CCDC91: variants seen among roughly 807,000 people sequenced by gnomAD.
CCDC91 encodes the protein coiled-coil domain-containing protein 91.
In CCDC91, 48 loss-of-function variants were observed where a neutral mutation model predicts 63.2. The ratio of observed to expected loss-of-function variants is 0.76; its 90% CI spans 0.60 to 0.97. The LOEUF is 0.97. CCDC91 is among the 50% of genes least tolerant of loss of function. The probability of loss-of-function intolerance (pLI) is 0.00; values close to 1 mark genes in which losing one functional copy is unlikely to be tolerated. For missense variants in CCDC91, 500 were observed against 494.6 expected, an observed-to-expected ratio of 1.01 and a Z score of -0.10; for synonymous variants, 167 against 165.8, an observed-to-expected ratio of 1.01 and a Z score of -0.06.
chr12:28,348,414 G>A (rs796923665), intron 6 of CCDC91, among the ~76,000 whole-genome samples: 10 of 152,260 alleles, frequency 6.6e-5, no homozygotes, highest in African/African-American at 1.7e-4. Flanking sequence ...CACTCATGTC[G>A]TAGACCCAGG....
intron 8 of CCDC91, among the ~76,000 whole-genome samples, chr12:28,435,702 G>A (rs1308550157): frequency 1.3e-5 from 2 of 151,700 alleles, no homozygotes; most frequent in Admixed American, 6.6e-5. Context: ...TCTGATAGAG[G>A]TGTATTGAAG....
intron 12 of CCDC91, among the ~76,000 whole-genome samples, chr12:28,504,681 A>G (rs1229390707): frequency 3.3e-5 from 5 of 151,894 alleles, no homozygotes; most frequent in African/African-American, 1.2e-4. Context: ...TTACACTTCA[A>G]AGTCTACATG....
intron 6 of CCDC91, among the ~76,000 whole-genome samples, chr12:28,310,945 A>G (rs956444683): frequency 4.6e-5 from 7 of 152,006 alleles, no homozygotes; most frequent in African/African-American, 1.7e-4. Context: ...ACCCAAGTTG[A>G]GATTTTTCTG....
intron 1 of CCDC91, among the ~76,000 whole-genome samples, chr12:28,256,469 TC>T (rs1157792713): frequency 2.6e-5 from 4 of 152,050 alleles, no homozygotes; most frequent in Non-Finnish European, 4.4e-5. Context: ...AATGGTTTTA[TC>T]TTTTCATTTT....
Position 28,507,115 on chromosome 12 carries a change from A to G in CCDC91, c.1215+22950A>G, listed in dbSNP as rs1938823391. Among the ~76,000 whole-genome samples, 4 of 151,962 alleles carry G rather than the reference A, an allele frequency of 2.6e-5. No homozygotes were observed. The South Asian group carries it at 6.2e-4, about 24-fold the overall frequency. On this transcript the variant is annotated intron_variant, in intron 12 of 12. Transcript: ENST00000536442. Reference sequence around the variant, plus strand: ...CTTGAGCCTGCAAATCAAGCTTTATAAATAGGCTTGTATGTTTCTTGGTTT... The same window carrying G: ...CTTGAGCCTGCAAATCAAGCTTTATGAATAGGCTTGTATGTTTCTTGGTTT...
chr12:28,406,594 T>C (rs896980998), intron 8 of CCDC91, among the ~76,000 whole-genome samples: 1 of 152,152 alleles, frequency 6.6e-6, no homozygotes, highest in Non-Finnish European at 1.5e-5. Flanking sequence ...TTTCCTGATA[T>C]GTTTCTAAGA....
intron 11 of CCDC91, among the ~76,000 whole-genome samples, chr12:28,457,789 T>C (rs949629632): frequency 6.6e-6 from 1 of 152,066 alleles, no homozygotes; most frequent in African/African-American, 2.4e-5. Flanking sequence ...GACCCTGGCT[T>C]ATTGATTTTC....
chr12:28,481,316 A>G (rs2140889033), intron 11 of CCDC91, among the ~76,000 whole-genome samples: 1 of 152,006 alleles, frequency 6.6e-6, no homozygotes, highest in South Asian at 2.1e-4. Context: ...CTGCTTACAC[A>G]CAGGATGCTC....
chr12:28,495,040 G>A (rs1033513599), intron 12 of CCDC91, among the ~76,000 whole-genome samples: 8 of 151,706 alleles, frequency 5.3e-5, no homozygotes, highest in African/African-American at 1.7e-4. Flanking sequence ...GTAGTACAAC[G>A]TGGTCTTCTA....
intron 11 of CCDC91, among the ~76,000 whole-genome samples, chr12:28,467,407 A>G (rs1592754829): frequency 6.6e-6 from 1 of 152,074 alleles, no homozygotes; most frequent in Non-Finnish European, 1.5e-5. Context: ...GCAAAAGGAT[A>G]TAACAGTTTT....
Position 28,422,964 on chromosome 12 carries a change from T to G in CCDC91, c.763-27197T>G, listed in dbSNP as rs114735182. ...TTGTTGTTGTTGGTGTTTGTTGTTG[T>G]TGGTGGTTGTTGTTGTTATTGTTTG... On this transcript the variant is annotated intron_variant, in intron 8 of 12. Transcript: ENST00000536442. 2.0e-3 allele frequency among the ~76,000 whole-genome samples: 299 copies of G among 152,158 alleles called. 2 individuals carry two copies. In the East Asian group the frequency reaches 0.021, roughly 11 times the overall value.
chr12:28,328,930 G>A (rs1329619804), intron 6 of CCDC91, among the ~76,000 whole-genome samples: 1 of 152,022 alleles, frequency 6.6e-6, no homozygotes, highest in Non-Finnish European at 1.5e-5. Flanking sequence ...TAGCTTAAAG[G>A]TAGGAAGCAA....
chr12:28,262,152 T>C (rs1302196753), intron 3 of CCDC91, among the ~76,000 whole-genome samples: 1 of 151,994 alleles, frequency 6.6e-6, no homozygotes, highest in Non-Finnish European at 1.5e-5. Flanking sequence ...CCTGAGAAGA[T>C]AGGAACCCCT....
chr12:28,448,440 T>C (rs901459624), intron 8 of CCDC91, among the ~76,000 whole-genome samples: 14 of 152,320 alleles, frequency 9.2e-5, no homozygotes, highest in African/African-American at 3.1e-4. Flanking sequence ...ATTTCAGGTT[T>C]GTTCTTACAC....
At chr12:28,484,255 A>T (rs1951603419) in intron 12 of CCDC91, 90 bp downstream of exon 12, 2 of 635,434 alleles carry the variant, frequency 3.1e-6, no homozygotes, top group Non-Finnish European at 2.6e-6. Flanking sequence ...AAATATTTAA[A>T]ATGTCCTGTG....
chr12:28,496,068 T>G (rs937653238), intron 12 of CCDC91, among the ~76,000 whole-genome samples: 2 of 151,644 alleles, frequency 1.3e-5, no homozygotes, highest in East Asian at 1.9e-4. Context: ...GGTTCTTCTT[T>G]TAAATAACAG....
intron 3 of CCDC91, among the ~76,000 whole-genome samples, chr12:28,304,968 T>C (rs1938548114): frequency 6.6e-6 from 1 of 152,124 alleles, no homozygotes; most frequent in Non-Finnish European, 1.5e-5. Context: ...TTAAAGCTAA[T>C]TGAAAAAGAA....
intron 6 of CCDC91, among the ~76,000 whole-genome samples, chr12:28,340,868 C>T (rs573841053): frequency 1.3e-5 from 2 of 152,114 alleles, no homozygotes; most frequent in Admixed American, 6.6e-5. Context: ...TTCTGTATCC[C>T]GAGGTTCTTG....
intron 7 of CCDC91, among the ~76,000 whole-genome samples, chr12:28,384,301 C>T (rs1376589876): frequency 4.6e-5 from 7 of 152,046 alleles, no homozygotes; most frequent in African/African-American, 1.7e-4. Context: ...GTACTGCTTG[C>T]AAGAACATGT....
Sources: allele counts gnomAD v4.1 joint callset (sites outside exome capture counted in the v4.1 genomes callset), GRCh38; gene constraint gnomAD v4.1.1; transcripts MANE v1.5; gene names NCBI Gene and HGNC (gene_info 2026-07-23, HGNC 2026-07-21).